Variants in TSPAN33 observed in about 807,000 individuals in gnomAD.
TSPAN33 encodes tetraspanin-33.
Under a neutral mutation model 34.8 loss-of-function variants are expected in TSPAN33, and 27 were observed. The ratio of observed to expected loss-of-function variants is 0.78; its 90% CI spans 0.57 to 1.07. TSPAN33 has a LOEUF of 1.07. Among genes scored for constraint, TSPAN33 ranks in the 50% least tolerant of loss-of-function variants. TSPAN33 has a pLI of 0.00. For missense variants in TSPAN33, 272 were observed against 324.9 expected, an observed-to-expected ratio of 0.84 and a Z score of 1.25; for synonymous variants, 119 against 124.2, an observed-to-expected ratio of 0.96 and a Z score of 0.28.
chr7:129,145,370 C>T (rs1005252183), intron 1 of TSPAN33, among the ~76,000 whole-genome samples: 16 of 151,868 alleles, frequency 1.1e-4, no homozygotes, highest in Non-Finnish European at 4.4e-5. Context: ...CCTGTTGGCC[C>T]AAGGCGGACC....
In TSPAN33 at chr7:129,167,027, G is replaced by A. The variant is rs1220934911; in HGVS notation, c.588+121G>A. ...CACCGATCAGTCATGTGGGACAGCT[G>A]TCAGGTGTTTTTCTTCACCCCAACC... On this transcript the variant is annotated intron_variant, in intron 6 of 7. Transcript: ENST00000486685. This position sits in a 1 kb window ranked among gnomAD's most constrained non-coding sequence, Gnocchi z 4.6. 10 of 1,250,912 alleles carry A rather than the reference G, an allele frequency of 8.0e-6. No individual in the cohort carries two copies. The highest frequency in any genetic ancestry group is 1.1e-5 in the Non-Finnish European group (10 of 898,952). 77.5% of individuals were successfully genotyped at this position (1,250,912 alleles called of 1,614,324 possible).
At position 129,166,786 on chromosome 7, in the gene TSPAN33, C is replaced by T. The variant is rs1793147016; in HGVS notation, c.468C>T (p.Cys156=). The change falls in exon 6 of 8, where the codon TGC becomes TGT. Residue 156 remains cysteine (C), a synonymous_variant. Coordinates refer to ENST00000486685, the MANE Select transcript of TSPAN33 (RefSeq NM_178562.5). The part of the protein sequence containing the change: ...LIDFGQKKFS[C]CGGISYKDWS... ...GGTGGGTTTTGTTGCAGTTTAGCTG[C>T]TGTGGAGGGATTTCCTACAAGGACT... 2 of 1,614,038 alleles carry T rather than the reference C, an allele frequency of 1.2e-6. No individual in the cohort carries two copies. The highest frequency in any genetic ancestry group is 1.7e-6 in the Non-Finnish European group (2 of 1,179,964).
At chr7:129,154,418 G>A (rs1391557725) in intron 1 of TSPAN33, among the ~76,000 whole-genome samples, 1 of 152,082 alleles carries the variant, frequency 6.6e-6, no homozygotes, top group Non-Finnish European at 1.5e-5. Flanking sequence ...CTGTATGCAA[G>A]TGAACCCTAG....
At chr7:129,163,049 T>G (rs1793076677) in intron 4 of TSPAN33, 142 bp downstream of exon 4, 2 of 705,556 alleles carry the variant, frequency 2.8e-6, no homozygotes, top group Non-Finnish European at 4.7e-6. Flanking sequence ...TAGGGGTGAA[T>G]GAATAGCCTG....
chr7:129,161,585 G>A (rs1206323039), intron 1 of TSPAN33, 94 bp from the exon 2 acceptor site: 41 of 1,222,712 alleles, frequency 3.4e-5, no homozygotes, highest in Non-Finnish European at 4.8e-5. Context: ...TCCCAGGAAA[G>A]CAGTCCTTCT....
In TSPAN33 at chr7:129,162,485, T is replaced by C; in HGVS notation, c.252T>C (p.Ile84=). 6.2e-7 allele frequency: 1 copy of C among 1,613,876 alleles called. No homozygotes were observed. Among genetic ancestry groups the C allele is most frequent in the Non-Finnish European group, 8.5e-7 (1 of 1,180,022 alleles). The change falls in exon 3 of 8, where the codon ATT becomes ATC. Residue 84 remains isoleucine (I), a synonymous_variant. Transcript: ENST00000486685. ...LMFLLTFCGC[I]GSLRENICLL... is the part of the protein sequence containing the mutation. The stretch of plus-strand genomic sequence containing the variant: ...TCCTGCTCACCTTCTGTGGCTGCAT[T>C]GGGTCCCTCCGCGAGAACATCTGCC...
At chr7:129,163,228 A>G (rs1793078855) in intron 4 of TSPAN33, among the ~76,000 whole-genome samples, 1 of 152,174 alleles carries the variant, frequency 6.6e-6, no homozygotes, top group Non-Finnish European at 1.5e-5. Context: ...CACTGACAAT[A>G]TGAAGAGCCT....
intron 1 of TSPAN33, among the ~76,000 whole-genome samples, chr7:129,160,848 C>A (rs915641045): frequency 6.6e-6 from 1 of 152,188 alleles, no homozygotes; most frequent in East Asian, 1.9e-4. Context: ...AAAACTTTTC[C>A]ATTTATGTGT....
chr7:129,157,299 G>A (rs998740097), intron 1 of TSPAN33, among the ~76,000 whole-genome samples: 3 of 152,042 alleles, frequency 2.0e-5, no homozygotes, highest in Non-Finnish European at 4.4e-5. Context: ...ACCTCCAAAC[G>A]TGATGCTATG....
intron 5 of TSPAN33, among the ~76,000 whole-genome samples, chr7:129,166,056 G>C (rs1793135340): frequency 2.0e-5 from 3 of 152,058 alleles, no homozygotes; most frequent in Admixed American, 1.3e-4. Context: ...GCCTGCCTCA[G>C]CCTCCTGAGT....
In TSPAN33 at chr7:129,167,003, A is replaced by G; in HGVS notation, c.588+97A>G. 1 of 1,430,328 alleles carries G rather than the reference A, an allele frequency of 7.0e-7. No homozygotes were observed. The highest frequency in any genetic ancestry group is 2.0e-5 in the Admixed American group (1 of 50,842). 88.6% of individuals were successfully genotyped at this position (1,430,328 alleles called of 1,614,324 possible). ...CTGGGGATCCCCATCCCCTAGCTTC[A>G]CCGATCAGTCATGTGGGACAGCTGT... On this transcript the variant is annotated intron_variant, in intron 6 of 7. Transcript: ENST00000486685. This position sits in a 1 kb window ranked among gnomAD's most constrained non-coding sequence, Gnocchi z 4.6.
intron 1 of TSPAN33, among the ~76,000 whole-genome samples, chr7:129,154,311 T>C (rs978410062): frequency 6.7e-6 from 1 of 149,806 alleles, no homozygotes; most frequent in Non-Finnish European, 1.5e-5. Flanking sequence ...AACACAAGAG[T>C]GAGACCTTGT....
rs1228517126 is a variant in TSPAN33, at chr7:129,144,873, G to A, written c.-108G>A. On this transcript the variant is annotated 5_prime_UTR_variant, in exon 1 of 8. Transcript: ENST00000486685. ...CGCAGCGCAGGCTCCCCCGCCGGCC[G>A]GGCTCCTGCGCGGCGCGGCTCGGCT... The A allele has an allele frequency of 6.1e-6, 1 of 163,466 alleles. No individual in the cohort carries two copies. Among genetic ancestry groups the A allele is most frequent in the Non-Finnish European group, 1.3e-5 (1 of 77,118 alleles). 10.1% of individuals were successfully genotyped at this position (163,466 alleles called of 1,614,324 possible).
rs897346201 is a variant in TSPAN33 at position 129,151,535 on chromosome 7, T to C, written c.102+6453T>C. Among the ~76,000 whole-genome samples the C allele has an allele frequency of 3.9e-5, 6 of 152,070 alleles. No homozygotes were observed. The South Asian group carries it at 1.2e-3, about 32-fold the overall frequency. On this transcript the variant is annotated intron_variant, in intron 1 of 7. Transcript: ENST00000486685. ...AACAACCTTTGTTTAGGACCTCAAG[T>C]TGAGGCCCTGCAACCTTTCCTCTCC...
Position 129,160,099 on chromosome 7 carries a change from C to T in TSPAN33, c.103-1580C>T, listed in dbSNP as rs551836315. On this transcript the variant is annotated intron_variant, in intron 1 of 7. Transcript: ENST00000486685. ...ACAGGCAGAGAAGAGTTCTGGAAGA[C>T]GTGGTTTTAGATAAAGGTTTGCCAT... Among the ~76,000 whole-genome samples the T allele has an allele frequency of 5.2e-4, 79 of 152,280 alleles. 1 individual carries two copies. The highest frequency in any genetic ancestry group is 1.7e-3 in the African/African-American group (72 of 41,554).
chr7:129,153,894 A>T (rs982427771), intron 1 of TSPAN33, among the ~76,000 whole-genome samples: 1 of 151,692 alleles, frequency 6.6e-6, no homozygotes, highest in Non-Finnish European at 1.5e-5. Context: ...TGAGCCCTTG[A>T]TTGTGCCACT....
rs368584751 is a variant in TSPAN33, at chr7:129,167,607, C to G, written c.750+47C>G. The G allele has an allele frequency of 2.2e-5, 35 of 1,599,414 alleles. No homozygotes were observed. The highest frequency in any genetic ancestry group is 2.9e-5 in the Non-Finnish European group (34 of 1,170,602). ...GTTGGTCCCACACACTCTGTAAAGA[C>G]TCCTTTGTTTTGGGGAAGGCACCTG... On this transcript the variant is annotated intron_variant, in intron 7 of 7. Coordinates refer to ENST00000486685, the MANE Select transcript of TSPAN33 (RefSeq NM_178562.5). This position sits in a 1 kb window ranked among gnomAD's most constrained non-coding sequence, Gnocchi z 4.6.
intron 1 of TSPAN33, among the ~76,000 whole-genome samples, chr7:129,145,505 A>G (rs989497250): frequency 6.6e-6 from 1 of 151,994 alleles, no homozygotes; most frequent in African/African-American, 2.4e-5. Flanking sequence ...ACCACCTCAG[A>G]GAGGATGGGT....
At chr7:129,162,614 T>C (rs1394097450) in intron 3 of TSPAN33, 93 bp downstream of exon 3, 2 of 1,566,674 alleles carry the variant, frequency 1.3e-6, no homozygotes, top group African/African-American at 1.3e-5. Context: ...TGTCCTACCC[T>C]ACCCCCAAGC....
Sources: allele counts gnomAD v4.1 joint callset (sites outside exome capture counted in the v4.1 genomes callset), GRCh38; gene constraint gnomAD v4.1.1; non-coding constraint Gnocchi (gnomAD v3.1); transcripts MANE v1.5; gene names NCBI Gene and HGNC (gene_info 2026-07-23, HGNC 2026-07-21).